Variants in PCDHAC1 observed in about 807,000 individuals in gnomAD.
The protein encoded by PCDHAC1 is protocadherin alpha-C1.
In PCDHAC1, 42 loss-of-function variants were observed where a neutral mutation model predicts 60.0. The observed-to-expected ratio is 0.70, with a 90% CI of 0.55 to 0.90. The LOEUF (loss-of-function observed/expected upper bound fraction) is 0.90. Among genes scored for constraint, PCDHAC1 ranks in the 40% least tolerant of loss-of-function variants. The pLI, the probability that PCDHAC1 is intolerant of heterozygous loss-of-function variation, is 0.00. For missense variants in PCDHAC1, 1,160 were observed against 1,222.3 expected, an observed-to-expected ratio of 0.95 and a Z score of 0.76; for synonymous variants, 468 against 499.3, an observed-to-expected ratio of 0.94 and a Z score of 0.84.
chr5:141,000,839 C>G (rs1194048512), intron 3 of PCDHAC1, among the ~76,000 whole-genome samples: 1 of 151,970 alleles, frequency 6.6e-6, no homozygotes, highest in Admixed American at 6.6e-5. Flanking sequence ...TCCAGGAGAT[C>G]CAGTCTGGCA....
chr5:140,938,944 A>G (rs551824557), intron 1 of PCDHAC1, among the ~76,000 whole-genome samples: 2 of 152,236 alleles, frequency 1.3e-5, no homozygotes, highest in South Asian at 2.1e-4. Context: ...TTCCATTCTT[A>G]TAATGCTCTA....
At chr5:140,967,492 G>C in intron 1 of PCDHAC1, 1 of 1,613,380 alleles carries the variant, frequency 6.2e-7, no homozygotes, top group Non-Finnish European at 8.5e-7. Flanking sequence ...GTACGGCACA[G>C]ATCTCTGTGC....
intron 3 of PCDHAC1, among the ~76,000 whole-genome samples, chr5:140,990,586 A>G (rs544396898): frequency 7.2e-5 from 11 of 152,284 alleles, no homozygotes; most frequent in African/African-American, 2.6e-4. Flanking sequence ...CTTTTCCTAT[A>G]ATCACCTGGA....
chr5:140,956,706 G>A (rs1166051458), intron 1 of PCDHAC1, among the ~76,000 whole-genome samples: 2 of 152,172 alleles, frequency 1.3e-5, no homozygotes, highest in African/African-American at 4.8e-5. Flanking sequence ...GTTTGGAATA[G>A]CTTCAGAAGA....
intron 1 of PCDHAC1, among the ~76,000 whole-genome samples, chr5:140,933,480 G>A (rs1255769578): frequency 6.6e-6 from 1 of 151,846 alleles, no homozygotes; most frequent in East Asian, 1.9e-4. Context: ...ACACATTATG[G>A]TTATTCTTTA....
chr5:140,934,822 T>C (rs2090051776), intron 1 of PCDHAC1, among the ~76,000 whole-genome samples: 1 of 152,218 alleles, frequency 6.6e-6, no homozygotes. Flanking sequence ...ATGCTAACTT[T>C]GGCAAGTTGG....
At chr5:140,948,018 T>A (rs1308826509) in intron 1 of PCDHAC1, among the ~76,000 whole-genome samples, 1 of 151,290 alleles carries the variant, frequency 6.6e-6, no homozygotes, top group Non-Finnish European at 1.5e-5. Context: ...GAAGTACCCT[T>A]TCTGGTTTGC....
intron 1 of PCDHAC1, chr5:140,966,931 C>T: frequency 6.2e-7 from 1 of 1,603,674 alleles, no homozygotes; most frequent in Non-Finnish European, 8.5e-7. Flanking sequence ...AGGCACCCGG[C>T]GCGCTCGTGG....
chr5:140,986,413 C>G (rs2097199513), intron 3 of PCDHAC1, among the ~76,000 whole-genome samples: 1 of 152,156 alleles, frequency 6.6e-6, no homozygotes, highest in African/African-American at 2.4e-5. Context: ...TGTTACAGCT[C>G]TTTTTAACTT....
chr5:141,001,130 T>C (rs1233424080), intron 3 of PCDHAC1, among the ~76,000 whole-genome samples: 1 of 152,036 alleles, frequency 6.6e-6, no homozygotes, highest in African/African-American at 2.4e-5. Context: ...CTTAAACAAA[T>C]GAATCTTCTG....
chr5:140,964,000 T>C (rs900134447), intron 1 of PCDHAC1, among the ~76,000 whole-genome samples: 2 of 152,218 alleles, frequency 1.3e-5, no homozygotes, highest in African/African-American at 2.4e-5. Flanking sequence ...TACTGTGTTC[T>C]ACTTTTTAAT....
At chr5:140,950,549 G>A (rs1023288540) in intron 1 of PCDHAC1, among the ~76,000 whole-genome samples, 1 of 151,948 alleles carries the variant, frequency 6.6e-6, no homozygotes, top group African/African-American at 2.4e-5. Context: ...TGCATGGCTG[G>A]GGGGACACTT....
chr5:140,967,736 G>A (rs1554229871), intron 1 of PCDHAC1: 4 of 1,614,162 alleles, frequency 2.5e-6, no homozygotes, highest in Non-Finnish European at 3.4e-6. Context: ...TGGGGGGCTG[G>A]ATTATGAGGA....
intron 1 of PCDHAC1, among the ~76,000 whole-genome samples, chr5:140,941,845 C>T (rs2093180727): frequency 6.6e-6 from 1 of 152,160 alleles, no homozygotes. Context: ...GCTGCCATTA[C>T]CTGATATTCC....
chr5:140,962,511 C>T (rs1164554453), intron 1 of PCDHAC1, among the ~76,000 whole-genome samples: 1 of 152,106 alleles, frequency 6.6e-6, no homozygotes, highest in Non-Finnish European at 1.5e-5. Flanking sequence ...AGCCAACTAT[C>T]AATAATATAT....
intron 1 of PCDHAC1, among the ~76,000 whole-genome samples, chr5:140,956,765 C>T (rs2095308216): frequency 6.6e-6 from 1 of 152,134 alleles, no homozygotes; most frequent in Non-Finnish European, 1.5e-5. Flanking sequence ...AGCTGTAAAT[C>T]TGTCTGGTCC....
At chr5:140,962,428 C>G (rs1359949802) in intron 1 of PCDHAC1, among the ~76,000 whole-genome samples, 1 of 152,136 alleles carries the variant, frequency 6.6e-6, no homozygotes, top group Non-Finnish European at 1.5e-5. Flanking sequence ...TTTATTGTTA[C>G]TTATCCAAAG....
intron 1 of PCDHAC1, among the ~76,000 whole-genome samples, chr5:140,934,548 ATT>A (rs1290393008): frequency 1.3e-5 from 2 of 152,018 alleles, no homozygotes; most frequent in African/African-American, 2.4e-5. Context: ...TAATTCTATC[ATT>A]TCTTCTTTTT....
chr5:140,927,670 C>A lies in PCDHAC1; in HGVS notation c.778C>A (p.Pro260Thr), dbSNP rs1006141153. ...TVLFRVQALD[P>T]DEGSNGEVQY... ...GTTATTCCGAGTTCAAGCCTTGGATCCAGATGAAGGGTCCAATGGGGAAGT... is the reference window on the plus strand; with the variant it reads ...GTTATTCCGAGTTCAAGCCTTGGATACAGATGAAGGGTCCAATGGGGAAGT... The change falls in exon 1 of 4, where the codon CCA (proline) becomes ACA (threonine). Residue 260 changes from proline (P) to threonine (T), a missense_variant. This residue lies in a region of PCDHAC1 where 1,113 missense variants were observed against 1,163.7 expected (regional missense o/e 0.96). Transcript: ENST00000253807. 2.5e-6 allele frequency: 4 copies of A among 1,614,166 alleles called. No homozygotes were observed. The highest frequency in any genetic ancestry group is 3.4e-6 in the Non-Finnish European group (4 of 1,180,028).
Sources: gnomAD v4.1 joint callset for allele counts (sites outside exome capture counted in the v4.1 genomes callset) on GRCh38, gnomAD v4.1.1 for gene constraint, gnomAD v4.1.1 regional missense constraint, MANE v1.5 for transcripts, NCBI Gene and HGNC (gene_info 2026-07-23, HGNC 2026-07-21) for gene names.